TUSC3: variants seen among roughly 807,000 people sequenced by gnomAD.
TUSC3 encodes dolichyl-diphosphooligosaccharide--protein glycosyltransferase subunit TUSC3.
Under a neutral mutation model 44.8 loss-of-function variants are expected in TUSC3, and 45 were observed. The observed-to-expected ratio is 1.00, with a 90% CI of 0.79 to 1.29. TUSC3 has a LOEUF of 1.29. Among genes scored for constraint, TUSC3 ranks in the 50% most tolerant of loss-of-function variants. TUSC3 has a pLI of 0.00. For missense variants in TUSC3, 519 were observed against 437.9 expected, an observed-to-expected ratio of 1.19 and a Z score of -1.65; for synonymous variants, 212 against 152.9, an observed-to-expected ratio of 1.39 and a Z score of -2.85.
the TUSC3 span, among the ~76,000 whole-genome samples, chr8:15,774,437 A>T: frequency 6.6e-6 from 1 of 152,146 alleles, no homozygotes. Flanking sequence ...ATAAAGATGG[A>T]TGATTCGCCT....
chr8:15,574,162 G>T (rs1238238259), intron 1 of TUSC3, among the ~76,000 whole-genome samples: 1 of 152,126 alleles, frequency 6.6e-6, no homozygotes, highest in Non-Finnish European at 1.5e-5. Context: ...TCACCTGTTA[G>T]TGTTTTGTGC....
chr8:15,487,318 C>G (rs1473436293), intron 2 of TUSC3, among the ~76,000 whole-genome samples: 1 of 152,072 alleles, frequency 6.6e-6, no homozygotes, highest in Non-Finnish European at 1.5e-5. Flanking sequence ...CAAGATTTGT[C>G]TCGTGATTTA....
intron 3 of TUSC3, among the ~76,000 whole-genome samples, chr8:15,658,641 C>CAA (rs1353059835): frequency 1.4e-5 from 2 of 145,166 alleles, no homozygotes; most frequent in African/African-American, 5.3e-5. Context: ...CATATATATA[C>CAA]ACACACACAC....
chr8:15,674,219 A>C (rs1808083704), intron 6 of TUSC3, among the ~76,000 whole-genome samples: 1 of 152,072 alleles, frequency 6.6e-6, no homozygotes, highest in Non-Finnish European at 1.5e-5. Flanking sequence ...GAAGGGATTA[A>C]GACATTATTA....
chr8:15,767,482 A>T (rs970816926), downstream of TUSC3, among the ~76,000 whole-genome samples: 1 of 151,438 alleles, frequency 6.6e-6, no homozygotes, highest in Non-Finnish European at 1.5e-5. Flanking sequence ...AATTTGTTTT[A>T]AAAAAAAAAG....
At chr8:15,691,317 T>G (rs7015118) in intron 6 of TUSC3, among the ~76,000 whole-genome samples, 131,292 of 152,086 alleles carry the variant, frequency 0.86, 56,950 homozygotes, top group Non-Finnish European at 0.9. Context: ...CTTGGATGTT[T>G]TTGGTGTATA....
rs869090876 is a variant in TUSC3, at chr8:15,523,664, ATGTGTG to A, written n.189+40221_189+40226del. ...CATATATATATATATATATATATAT[ATGTGTG>A]TGTGTGTGTGTGTGTGTGTGTGTGT... On this transcript the variant is annotated intron_variant and non_coding_transcript_variant, in intron 2 of 5. Coordinates refer to the TUSC3 transcript ENST00000503191. Among the ~76,000 whole-genome samples, 137 of 42,436 alleles carry A rather than the reference ATGTGTG, an allele frequency of 3.2e-3. 3 individuals are homozygous for A. Among genetic ancestry groups the A allele is most frequent in the African/African-American group, 0.01 (118 of 11,496 alleles). The allele number at this position is 42,436 out of a possible 152,430, so 27.8% of individuals were successfully genotyped here.
At chr8:15,627,698 T>C (rs975633027) in intron 2 of TUSC3, among the ~76,000 whole-genome samples, 2 of 152,210 alleles carry the variant, frequency 1.3e-5, no homozygotes, top group Admixed American at 6.5e-5. Context: ...GGGAAGCTGC[T>C]TGCAGTCCAC....
the TUSC3 span, among the ~76,000 whole-genome samples, chr8:15,830,964 C>T: frequency 6.6e-6 from 1 of 150,974 alleles, no homozygotes; most frequent in Non-Finnish European, 1.5e-5. Context: ...CACGCTGTCA[C>T]TGCCACCACT....
chr8:15,763,382 T>G (rs1389367351), intron 10 of TUSC3, among the ~76,000 whole-genome samples: 2 of 147,014 alleles, frequency 1.4e-5, no homozygotes, highest in Non-Finnish European at 3.0e-5. Flanking sequence ...CAGCTACATG[T>G]TTTTTTTTTG....
chr8:15,671,071 C>T (rs1043423561), intron 5 of TUSC3, among the ~76,000 whole-genome samples: 3 of 151,792 alleles, frequency 2.0e-5, no homozygotes, highest in African/African-American at 4.8e-5. Flanking sequence ...GTGGATCTCT[C>T]GTGTACTGTT....
At chr8:15,571,768 C>T (rs1376002022) in intron 1 of TUSC3, among the ~76,000 whole-genome samples, 1 of 152,194 alleles carries the variant, frequency 6.6e-6, no homozygotes, top group Non-Finnish European at 1.5e-5. Flanking sequence ...AACCCTGCCA[C>T]TGCTCTATCA....
chr8:15,668,597 C>T (rs1488257257), intron 5 of TUSC3, among the ~76,000 whole-genome samples: 1 of 151,678 alleles, frequency 6.6e-6, no homozygotes, highest in African/African-American at 2.4e-5. Context: ...CTTTGATGAA[C>T]ATATGTCCAA....
chr8:15,756,513 C>G (rs78377821), intron 9 of TUSC3, among the ~76,000 whole-genome samples: 1 of 152,076 alleles, frequency 6.6e-6, no homozygotes, highest in Non-Finnish European at 1.5e-5. Context: ...TATTCATTTA[C>G]AGTTGTTTCA....
At chr8:15,519,644 A>G (rs1295690408) in intron 2 of TUSC3, among the ~76,000 whole-genome samples, 1 of 152,190 alleles carries the variant, frequency 6.6e-6, no homozygotes, top group African/African-American at 2.4e-5. Flanking sequence ...TCTGAGGTGC[A>G]ACAGTTTCAT....
At chr8:15,621,333 A>G (rs558123205) in intron 1 of TUSC3, among the ~76,000 whole-genome samples, 2 of 151,510 alleles carry the variant, frequency 1.3e-5, no homozygotes, top group South Asian at 4.2e-4. Flanking sequence ...GGTGCTTAAC[A>G]TGGAAAATAA....
At chr8:15,471,226 G>A (rs576779018) in intron 1 of TUSC3, among the ~76,000 whole-genome samples, 2 of 152,076 alleles carry the variant, frequency 1.3e-5, no homozygotes, top group Non-Finnish European at 2.9e-5. Context: ...TTTCTTAAAT[G>A]TCTGTATAGC....
Position 15,748,646 on chromosome 8 carries a change from G to C in TUSC3, c.1028+181G>C, listed in dbSNP as rs747603266. 3 of 740,738 alleles carry C rather than the reference G, an allele frequency of 4.1e-6. No individual in the cohort carries two copies. In the South Asian group the frequency reaches 4.1e-5, roughly 10 times the overall value. The allele number at this position is 740,738 out of a possible 1,614,324, so 45.9% of individuals were successfully genotyped here. A position where few individuals can be genotyped will look rare whatever the true frequency, so the allele number is the denominator to read the frequency against. On this transcript the variant is annotated intron_variant, in intron 9 of 10. Coordinates refer to ENST00000503731, the MANE Select transcript of TUSC3 (RefSeq NM_006765.4). Reference sequence around the variant, plus strand: ...AGTGAAGTACACAAAGGAGATATAAGGCATGGTTCTTGTTCCCTGACAGCA... The same window carrying C: ...AGTGAAGTACACAAAGGAGATATAACGCATGGTTCTTGTTCCCTGACAGCA...
intron 9 of TUSC3, among the ~76,000 whole-genome samples, chr8:15,752,296 G>A (rs1430253777): frequency 6.6e-6 from 1 of 151,996 alleles, no homozygotes; most frequent in African/African-American, 2.4e-5. Flanking sequence ...ATATGTTCAT[G>A]GTATATTCTG....
Sources: allele counts gnomAD v4.1 joint callset (sites outside exome capture counted in the v4.1 genomes callset), GRCh38; gene constraint gnomAD v4.1.1; transcripts MANE v1.5; gene names NCBI Gene and HGNC (gene_info 2026-07-23, HGNC 2026-07-21).